ABCA8: variants seen among roughly 807,000 people sequenced by gnomAD.
ABCA8 encodes ATP binding cassette subfamily A member 8.
ABCA8 carries 177 observed loss-of-function variants against 192.3 expected under a neutral mutation model. That is an observed-to-expected ratio of 0.92 (90% CI 0.81 to 1.04). The LOEUF is 1.04. Ranked by LOEUF, ABCA8 falls within the 50% of genes least tolerant of loss-of-function variation. ABCA8 has a pLI of 0.00. For missense variants in ABCA8, 1,915 were observed against 1,904.8 expected (o/e 1.01, Z -0.10); for synonymous variants, 642 against 690.2 (o/e 0.93, Z 1.09).
intron 1 of ABCA8, among the ~76,000 whole-genome samples, chr17:68,950,748 C>T (rs147965789): frequency 1.6e-3 from 236 of 152,192 alleles, no homozygotes; most frequent in African/African-American, 5.3e-3. Context: ...GCTGAAATAA[C>T]GAACTAATGT....
chr17:68,902,964 A>G, intron 20 of ABCA8, 85 bp from the exon 21 acceptor site: 1 of 1,179,470 alleles, frequency 8.5e-7, no homozygotes, highest in Non-Finnish European at 1.2e-6. Flanking sequence ...TAATGGGATA[A>G]AGAAATTATA....
chr17:68,900,877 AAAC>A (rs1465239912), intron 21 of ABCA8, among the ~76,000 whole-genome samples: 1 of 152,146 alleles, frequency 6.6e-6, no homozygotes. Flanking sequence ...GACAACCCTA[AAAC>A]AAAAAAAAAC....
chr17:68,884,445 A>AT (rs1175618970), intron 27 of ABCA8, 49 bp from the exon 28 acceptor site: 1 of 1,538,878 alleles, frequency 6.5e-7, no homozygotes, highest in East Asian at 2.3e-5. Flanking sequence ...TGTTTCCTGA[A>AT]TTTTGTCCAC....
chr17:68,919,759 C>G (rs1439257940), intron 13 of ABCA8: 2 of 213,164 alleles, frequency 9.4e-6, no homozygotes, highest in East Asian at 2.0e-4. Flanking sequence ...GAGCTTCCAC[C>G]TAGTGATTTG....
At chr17:68,898,305 C>T (rs2066818324) in intron 21 of ABCA8, among the ~76,000 whole-genome samples, 1 of 152,098 alleles carries the variant, frequency 6.6e-6, no homozygotes, top group Non-Finnish European at 1.5e-5. Flanking sequence ...CAGACTTCAC[C>T]ACTACACAAT....
chr17:68,922,194 C>T (rs574536169), intron 12 of ABCA8, 48 bp downstream of exon 12: 102 of 527,332 alleles, frequency 1.9e-4, no homozygotes, highest in African/African-American at 1.7e-3. Flanking sequence ...TTCTCTCTCT[C>T]TTTTTTTTTT....
At chr17:68,876,767 A>G (rs1442726503) in intron 33 of ABCA8, 64 bp from the exon 34 acceptor site, 1 of 1,598,798 alleles carries the variant, frequency 6.3e-7, no homozygotes, top group Non-Finnish European at 8.6e-7. Flanking sequence ...AGGATAACCC[A>G]AGCAAGGGTG....
At chr17:68,884,179 T>C in intron 28 of ABCA8, 152 bp downstream of exon 28, 1 of 825,950 alleles carries the variant, frequency 1.2e-6, no homozygotes, top group South Asian at 2.8e-5. Flanking sequence ...TTTGTAAAAA[T>C]AATTCTTCCG....
At chr17:68,913,787 T>G (rs552596105) in intron 17 of ABCA8, among the ~76,000 whole-genome samples, 191 of 152,104 alleles carry the variant, frequency 1.3e-3, no homozygotes, top group African/African-American at 4.6e-3. Flanking sequence ...ACCAAATACT[T>G]AAAGAATAAC....
chr17:68,886,978 C>G, intron 26 of ABCA8, 39 bp downstream of exon 26: 2 of 1,372,190 alleles, frequency 1.5e-6, no homozygotes, highest in South Asian at 2.5e-5. Flanking sequence ...AATTGTATAT[C>G]AAATATATAC....
Position 68,875,383 on chromosome 17 carries a change from T to G in ABCA8, c.4508A>C (p.Gln1503Pro), listed in dbSNP as rs778855716. The stretch of plus-strand genomic sequence containing the variant: ...TTTGCCAAATTTGCTTTTCAGGTGT[T>G]GGATGGAACCGATACATCTGGAGGA... ...SGRLRCIGSI[Q>P]HLKSKFGKDY... Residue 1503 changes from glutamine (Q) to proline (P), a missense_variant, in exon 37 of 40, where the codon CAA (glutamine) becomes CCA (proline). Physicochemically the swap from Gln to Pro is moderately conservative, Grantham distance 76 (BLOSUM62 -1). Coordinates refer to ENST00000586539, the MANE Select transcript of ABCA8 (RefSeq NM_001288985.2). 165 of 1,613,910 alleles carry G rather than the reference T, an allele frequency of 1.0e-4. No homozygotes were observed. Among genetic ancestry groups the G allele is most frequent in the Non-Finnish European group, 1.4e-4 (163 of 1,180,026 alleles).
At chr17:68,884,740 C>T in intron 27 of ABCA8, 1 of 1,059,402 alleles carries the variant, frequency 9.4e-7, no homozygotes, top group Non-Finnish European at 1.1e-6. Flanking sequence ...CCCTTCTCTT[C>T]CTTTCCCCTT....
At chr17:68,934,886 C>T (rs991291600) in intron 5 of ABCA8, among the ~76,000 whole-genome samples, 6 of 152,116 alleles carry the variant, frequency 3.9e-5, no homozygotes, top group Non-Finnish European at 5.9e-5. Flanking sequence ...GGTTTCAACA[C>T]GCAGTTTCCT....
In ABCA8 at chr17:68,900,738, G is replaced by T. The variant is rs555902612; in HGVS notation, c.2764+1975C>A. Among the ~76,000 whole-genome samples the T allele has an allele frequency of 1.6e-4, 24 of 152,126 alleles. No homozygotes were observed. The South Asian group carries it at 5.0e-3, about 32-fold the overall frequency. On this transcript the variant is annotated intron_variant, in intron 21 of 39. Coordinates refer to ENST00000586539, the MANE Select transcript of ABCA8 (RefSeq NM_001288985.2). ...GAAAATGGAAAGGATTATACACCATGACCAAGTATGATTTATCCTATAAAT... is the reference window on the plus strand; with the variant it reads ...GAAAATGGAAAGGATTATACACCATTACCAAGTATGATTTATCCTATAAAT...
chr17:68,886,967 G>A (rs760929180), intron 26 of ABCA8, 50 bp downstream of exon 26: 2 of 1,312,048 alleles, frequency 1.5e-6, no homozygotes, highest in South Asian at 1.3e-5. Flanking sequence ...GATTAGCTCA[G>A]AATTGTATAT....
At chr17:68,889,068 A>G (rs905993590) in intron 24 of ABCA8, among the ~76,000 whole-genome samples, 1 of 152,258 alleles carries the variant, frequency 6.6e-6, no homozygotes, top group Non-Finnish European at 1.5e-5. Context: ...TGTTAACACC[A>G]GAAAGACTTA....
At position 68,903,459 on chromosome 17, in the gene ABCA8, G is replaced by T; in HGVS notation, c.2439C>A (p.Asp813Glu). The T allele has an allele frequency of 6.2e-7, 1 of 1,613,980 alleles. No individual in the cohort carries two copies. The change falls in exon 20 of 40, where the codon GAC becomes GAA. Residue 813 changes from aspartate to glutamate, a missense_variant. By Grantham distance (45) the Asp-to-Glu change is conservative (BLOSUM62 2). Coordinates refer to ENST00000586539, the MANE Select transcript of ABCA8 (RefSeq NM_001288985.2). ...CCATCTCAACAAGCCTTTCAGTGTC[G>T]TCAGCTTTTTCCGCTTGTACTTCTC... ...ILGEVQAEKA[D>E]DTERLVEMEQ... is the part of the protein sequence containing the mutation.
At chr17:68,932,059 A>C (rs1025722213) in intron 7 of ABCA8, 20 of 355,070 alleles carry the variant, frequency 5.6e-5, no homozygotes, top group Middle Eastern at 1.6e-3. Flanking sequence ...AAATACAAAA[A>C]ATTATCCAGG....
In ABCA8 at chr17:68,918,794, T is replaced by C. The variant is rs530466294; in HGVS notation, c.1789-248A>G. Among the ~76,000 whole-genome samples the C allele has an allele frequency of 2.4e-3, 359 of 151,932 alleles. 4 individuals are homozygous for C. Among genetic ancestry groups the C allele is most frequent in the Non-Finnish European group, 5.4e-4 (37 of 67,934 alleles). On this transcript the variant is annotated intron_variant, in intron 14 of 39. Transcript: ENST00000586539. ...TAAAAATACAAAAATTAGCCAAGCCTGGCGGCGTGCCTGTAATCCCAGCTA... is the reference window on the plus strand; with the variant it reads ...TAAAAATACAAAAATTAGCCAAGCCCGGCGGCGTGCCTGTAATCCCAGCTA...
Sources: allele counts gnomAD v4.1 joint callset (sites outside exome capture counted in the v4.1 genomes callset), GRCh38; gene constraint gnomAD v4.1.1; transcripts MANE v1.5; gene names NCBI Gene and HGNC (gene_info 2026-07-23, HGNC 2026-07-21).